The following AFG2A variants were observed in gnomAD, a reference collection of about 807,000 sequenced individuals.
The protein encoded by AFG2A is ATPase family gene 2 protein homolog A.
At chr4:123,231,477 A>T in the AFG2A span, among the ~76,000 whole-genome samples, 39 of 151,898 alleles carry the variant, frequency 2.6e-4, no homozygotes, top group East Asian at 6.6e-3. Context: ...GGCTTCAAGG[A>T]ATGTTGTGGT....
At chr4:123,226,471 G>A in the AFG2A span, among the ~76,000 whole-genome samples, 5 of 150,312 alleles carry the variant, frequency 3.3e-5, no homozygotes, top group South Asian at 2.1e-4. Flanking sequence ...TGAGATAATC[G>A]TGGTTTTTGT....
At chr4:123,213,259 A>G in the AFG2A span, among the ~76,000 whole-genome samples, 1 of 152,138 alleles carries the variant, frequency 6.6e-6, no homozygotes, top group Non-Finnish European at 1.5e-5. Flanking sequence ...ACAATATTTA[A>G]TGGGTATATA....
At chr4:123,032,880 G>T in the AFG2A span, among the ~76,000 whole-genome samples, 1 of 152,208 alleles carries the variant, frequency 6.6e-6, no homozygotes, top group African/African-American at 2.4e-5. Flanking sequence ...CCAACTGTAG[G>T]CCAGTGTAAG....
At chr4:123,266,894 C>T in the AFG2A span, among the ~76,000 whole-genome samples, 1 of 151,918 alleles carries the variant, frequency 6.6e-6, no homozygotes, top group Non-Finnish European at 1.5e-5. Context: ...TCTGTGTCCA[C>T]TAGAATAATT....
chr4:123,118,352 ATTATAT>A, the AFG2A span, among the ~76,000 whole-genome samples: 97 of 49,862 alleles, frequency 1.9e-3, no homozygotes, highest in African/African-American at 3.3e-3. Flanking sequence ...TATTATATAT[ATTATAT>A]ATATATATAT....
At chr4:123,299,402 G>T in the AFG2A span, among the ~76,000 whole-genome samples, 1 of 152,268 alleles carries the variant, frequency 6.6e-6, no homozygotes, top group Non-Finnish European at 1.5e-5. Context: ...CTAAAGTTTA[G>T]TGATTAGATC....
chr4:123,170,277 T>C, the AFG2A span, among the ~76,000 whole-genome samples: 1 of 152,226 alleles, frequency 6.6e-6, no homozygotes, highest in Non-Finnish European at 1.5e-5. Flanking sequence ...GGGAGACATT[T>C]ACTTCAGCAT....
chr4:123,255,376 G>A, the AFG2A span, among the ~76,000 whole-genome samples: 1 of 152,076 alleles, frequency 6.6e-6, no homozygotes, highest in South Asian at 2.1e-4. Context: ...AATTAGCCAG[G>A]TGTGGTGGCA....
chr4:123,010,559 A>G, the AFG2A span, among the ~76,000 whole-genome samples: 1 of 152,094 alleles, frequency 6.6e-6, no homozygotes, highest in African/African-American at 2.4e-5. Context: ...GAGAAAATGA[A>G]TGGATATTAG....
chr4:122,932,234 C>T, the AFG2A span, among the ~76,000 whole-genome samples: 4 of 151,412 alleles, frequency 2.6e-5, no homozygotes, highest in South Asian at 8.4e-4. Context: ...GAGATCACAC[C>T]ACCGCACTCC....
At chr4:123,078,126 C>A in the AFG2A span, among the ~76,000 whole-genome samples, 1 of 150,894 alleles carries the variant, frequency 6.6e-6, no homozygotes, top group African/African-American at 2.4e-5. Flanking sequence ...GTTTTCATGT[C>A]TTTTCTGCTA....
the AFG2A span, among the ~76,000 whole-genome samples, chr4:123,049,288 C>A: frequency 6.6e-6 from 1 of 151,892 alleles, no homozygotes; most frequent in Non-Finnish European, 1.5e-5. Flanking sequence ...ATTTTTAAAT[C>A]TGTGTTTATC....
At chr4:122,965,731 C>T in the AFG2A span, among the ~76,000 whole-genome samples, 5 of 152,066 alleles carry the variant, frequency 3.3e-5, no homozygotes, top group Admixed American at 3.3e-4. Flanking sequence ...TACTTTCAAC[C>T]ATATTCCTTG....
chr4:123,206,387 G>A, the AFG2A span, among the ~76,000 whole-genome samples: 1 of 151,990 alleles, frequency 6.6e-6, no homozygotes, highest in African/African-American at 2.4e-5. Flanking sequence ...AAGTGTGCCC[G>A]ATTTTTATTT....
the AFG2A span, among the ~76,000 whole-genome samples, chr4:123,105,158 A>G: frequency 6.6e-6 from 1 of 152,182 alleles, no homozygotes; most frequent in Non-Finnish European, 1.5e-5. Flanking sequence ...GCCAGTGCTC[A>G]TTTACCATTC....
chr4:122,994,993 A>G, the AFG2A span, among the ~76,000 whole-genome samples: 2 of 152,122 alleles, frequency 1.3e-5, no homozygotes, highest in African/African-American at 4.8e-5. Flanking sequence ...TCAGAATGTG[A>G]CAGTCAGTTG....
chr4:123,136,842 CAAAAAAAAA>C, the AFG2A span, among the ~76,000 whole-genome samples: 4 of 110,496 alleles, frequency 3.6e-5, no homozygotes, highest in African/African-American at 6.1e-5. Flanking sequence ...AACTCCATCT[CAAAAAAAAA>C]AAAAAAGAAA....
At chr4:123,314,186 A>T in the AFG2A span, 1 of 706,290 alleles carries the variant, frequency 1.4e-6, no homozygotes, top group East Asian at 3.1e-5. Context: ...TGTTCAGTAG[A>T]ATTTAGGGGC....
At chr4:123,093,094 T>C in the AFG2A span, among the ~76,000 whole-genome samples, 1 of 152,108 alleles carries the variant, frequency 6.6e-6, no homozygotes, top group Non-Finnish European at 1.5e-5. Context: ...ATCAGGGTGA[T>C]ACAGGACAGG....
Sources: gnomAD v4.1 joint callset for allele counts (sites outside exome capture counted in the v4.1 genomes callset) on GRCh38, gnomAD v4.1.1 for gene constraint, MANE v1.5 for transcripts, NCBI Gene and HGNC (gene_info 2026-07-23, HGNC 2026-07-21) for gene names.